XRCC4: variants seen among roughly 807,000 people sequenced by gnomAD.
XRCC4 encodes the protein DNA repair protein XRCC4.
A neutral mutation model predicts 39.1 loss-of-function variants in XRCC4; 28 were observed. The ratio of observed to expected loss-of-function variants is 0.72; its 90% CI spans 0.53 to 0.98. XRCC4 has a LOEUF of 0.98. XRCC4 is among the 50% of genes least tolerant of loss of function. XRCC4 has a pLI of 0.00. For missense variants in XRCC4, 350 were observed against 376.4 expected (o/e 0.93, Z 0.58); for synonymous variants, 123 against 126.4 (o/e 0.97, Z 0.18).
At chr5:83,296,190 T>G (rs1755087309) in intron 7 of XRCC4, among the ~76,000 whole-genome samples, 1 of 152,088 alleles carries the variant, frequency 6.6e-6, no homozygotes. Context: ...GTTACATATC[T>G]CTCTTGAGTT....
chr5:83,165,464 CATTT>C (rs1451762586), intron 3 of XRCC4, among the ~76,000 whole-genome samples: 3 of 152,122 alleles, frequency 2.0e-5, no homozygotes, highest in Middle Eastern at 3.4e-3. Flanking sequence ...ATCTTCAGGC[CATTT>C]ATTTATTTAT....
At chr5:83,110,638 C>G (rs1298496080) in intron 2 of XRCC4, among the ~76,000 whole-genome samples, 1 of 151,942 alleles carries the variant, frequency 6.6e-6, no homozygotes, top group Admixed American at 6.6e-5. Flanking sequence ...ACAGTATAGG[C>G]TATTGAATCT....
chr5:83,215,716 T>C (rs1353696715), intron 6 of XRCC4, among the ~76,000 whole-genome samples: 1 of 152,172 alleles, frequency 6.6e-6, no homozygotes, highest in Non-Finnish European at 1.5e-5. Context: ...GAAGACAATT[T>C]AGTGGGGAAA....
chr5:83,369,452 C>T, the XRCC4 span, among the ~76,000 whole-genome samples: 3 of 152,098 alleles, frequency 2.0e-5, no homozygotes, highest in Admixed American at 6.6e-5. Flanking sequence ...CGTCTTGTGT[C>T]CCTGTGTACC....
chr5:83,101,369 A>G (rs1267105417), intron 1 of XRCC4, among the ~76,000 whole-genome samples: 1 of 152,106 alleles, frequency 6.6e-6, no homozygotes, highest in East Asian at 1.9e-4. Flanking sequence ...GAACTAAGTA[A>G]TATGTGTCAT....
chr5:83,170,930 T>C (rs1749694281), intron 3 of XRCC4, among the ~76,000 whole-genome samples: 1 of 152,158 alleles, frequency 6.6e-6, no homozygotes, highest in South Asian at 2.1e-4. Context: ...TAGGTAGATA[T>C]TTCTTCCACT....
intron 7 of XRCC4, among the ~76,000 whole-genome samples, chr5:83,309,306 T>C (rs1485811363): frequency 1.8e-5 from 2 of 113,456 alleles, no homozygotes; most frequent in African/African-American, 3.2e-5. Flanking sequence ...AATATATATA[T>C]ATATATATAT....
chr5:83,259,449 C>A (rs1376595764), intron 7 of XRCC4: 1 of 151,854 alleles, frequency 6.6e-6, no homozygotes, highest in Non-Finnish European at 1.5e-5. Context: ...TGGGGTTTTC[C>A]AATGGCCCTT....
At chr5:83,096,703 C>A (rs1745694430) in intron 1 of XRCC4, among the ~76,000 whole-genome samples, 2 of 152,136 alleles carry the variant, frequency 1.3e-5, no homozygotes, top group Non-Finnish European at 2.9e-5. Flanking sequence ...ACTTTATACC[C>A]AGTGTTTTGA....
chr5:83,084,012 C>G (rs747579870), intron 1 of XRCC4, among the ~76,000 whole-genome samples: 1 of 152,122 alleles, frequency 6.6e-6, no homozygotes, highest in Non-Finnish European at 1.5e-5. Context: ...TTGGGTGTCT[C>G]TATTTCAGTA....
At chr5:83,094,560 T>C (rs367712129) in intron 1 of XRCC4, among the ~76,000 whole-genome samples, 8 of 151,932 alleles carry the variant, frequency 5.3e-5, no homozygotes, top group Admixed American at 1.3e-4. Flanking sequence ...GTTTAGTCGT[T>C]GTATTCTTCA....
intron 6 of XRCC4, among the ~76,000 whole-genome samples, chr5:83,215,179 T>C (rs2089563): frequency 0.062 from 9,362 of 151,438 alleles, 997 homozygotes; most frequent in East Asian, 0.48. Flanking sequence ...CTACAAAAAA[T>C]ACAAAAAAAC....
intron 3 of XRCC4, among the ~76,000 whole-genome samples, chr5:83,176,614 T>C (rs1749968661): frequency 6.7e-6 from 1 of 149,560 alleles, no homozygotes; most frequent in African/African-American, 2.5e-5. Flanking sequence ...ACAATAGGCA[T>C]ATAAAGTATT....
chr5:83,167,237 T>G (rs975049710), intron 3 of XRCC4, among the ~76,000 whole-genome samples: 5 of 152,096 alleles, frequency 3.3e-5, no homozygotes, highest in Non-Finnish European at 7.4e-5. Context: ...GAGCTTTTTT[T>G]TTTTTCATAT....
At chr5:83,187,576 G>A (rs1750510377) in intron 3 of XRCC4, among the ~76,000 whole-genome samples, 1 of 152,182 alleles carries the variant, frequency 6.6e-6, no homozygotes, top group African/African-American at 2.4e-5. Context: ...ACAGCAAAGG[G>A]AGGGAGAATG....
intron 1 of XRCC4, among the ~76,000 whole-genome samples, chr5:83,090,675 G>A (rs1434337566): frequency 6.6e-6 from 1 of 152,062 alleles, no homozygotes; most frequent in Admixed American, 6.6e-5. Flanking sequence ...GCTCCATCCT[G>A]AGGCTGTCTA....
chr5:83,258,428 A>G lies in XRCC4; in HGVS notation c.746-102A>G, dbSNP rs969727033. 2.2e-6 allele frequency: 3 copies of G among 1,377,988 alleles called. No individual in the cohort carries two copies. In the African/African-American group the frequency reaches 4.5e-5, roughly 21 times the overall value. The allele number at this position is 1,377,988 out of a possible 1,614,324, so 85.4% of individuals were successfully genotyped here. ...AGATTTGAAAGAATAGTTTTGCTAT[A>G]TTTTAATTGTCACCTTATGTCAATG... is the stretch of plus-strand genomic sequence containing the variant. On this transcript the variant is annotated intron_variant, in intron 6 of 7. Transcript: ENST00000396027.
At chr5:83,253,296 A>T (rs999105087) in intron 6 of XRCC4, among the ~76,000 whole-genome samples, 1 of 152,178 alleles carries the variant, frequency 6.6e-6, no homozygotes, top group Non-Finnish European at 1.5e-5. Context: ...CAGGGCTAAG[A>T]TCTTAGGACT....
intron 3 of XRCC4, among the ~76,000 whole-genome samples, chr5:83,119,705 C>T (rs1258734141): frequency 6.6e-6 from 1 of 152,142 alleles, no homozygotes; most frequent in Non-Finnish European, 1.5e-5. Flanking sequence ...GGCATAGTGG[C>T]TCATGCCTGT....
Sources: gnomAD v4.1 joint callset for allele counts (sites outside exome capture counted in the v4.1 genomes callset) on GRCh38, gnomAD v4.1.1 for gene constraint, MANE v1.5 for transcripts, NCBI Gene and HGNC (gene_info 2026-07-23, HGNC 2026-07-21) for gene names.